Variants in TRMT2B observed in about 807,000 individuals in gnomAD.
TRMT2B encodes the protein tRNA (uracil-5-)-methyltransferase homolog B.
Under a neutral mutation model 39.7 loss-of-function variants are expected in TRMT2B, and 34 were observed. The ratio of observed to expected loss-of-function variants is 0.86; its 90% CI spans 0.65 to 1.14. The LOEUF is 1.14. Among genes scored for constraint, TRMT2B ranks in the 50% most tolerant of loss-of-function variants. The pLI is 0.00. For missense variants in TRMT2B, 318 were observed against 377.2 expected (o/e 0.84, Z 1.30); for synonymous variants, 132 against 137.3 (o/e 0.96, Z 0.27).
intron 8 of TRMT2B, among the ~76,000 whole-genome samples, chrX:101,022,690 G>T (rs1238607989): frequency 9.1e-6 from 1 of 110,298 alleles, no homozygotes; most frequent in African/African-American, 3.3e-5. Flanking sequence ...CCAGTTACTT[G>T]AGAGGCTGAG....
chrX:100,994,823 C>T, the TRMT2B span, among the ~76,000 whole-genome samples: 2 of 111,080 alleles, frequency 1.8e-5, no homozygotes, highest in African/African-American at 3.3e-5. Context: ...CAGATTGTAG[C>T]GCAGTGCCAC....
At chrX:101,009,283 G>A (rs1312025500), downstream of TRMT2B, 2 of 111,228 alleles carry the variant, frequency 1.8e-5, no homozygotes, top group African/African-American at 6.5e-5. Flanking sequence ...AATCTAAATT[G>A]TTGGGCAAGT....
At chrX:101,050,699 G>A (rs766097131) in intron 2 of TRMT2B, among the ~76,000 whole-genome samples, 1 of 108,759 alleles carries the variant, frequency 9.2e-6, no homozygotes, top group African/African-American at 3.4e-5. Context: ...ACTCCAGCCT[G>A]GGCAACAAGA....
the TRMT2B span, chrX:100,973,617 A>G: frequency 1.8e-6 from 2 of 1,096,068 alleles, no homozygotes; most frequent in Admixed American, 4.5e-5. Flanking sequence ...AGCTGACTAA[A>G]GGCTCAGTGT....
At chrX:100,985,609 A>C in the TRMT2B span, 1 of 1,159,795 alleles carries the variant, frequency 8.6e-7, no homozygotes, top group Non-Finnish European at 1.2e-6. Flanking sequence ...TACTCCTGTT[A>C]GATGAGTATG....
chrX:100,990,820 C>A, the TRMT2B span: 1 of 360,436 alleles, frequency 2.8e-6, no homozygotes, highest in South Asian at 5.0e-5. Flanking sequence ...AATAGAACTT[C>A]TTTGCTGAGA....
At chrX:101,022,803 T>C (rs998934626) in intron 8 of TRMT2B, among the ~76,000 whole-genome samples, 1 of 110,540 alleles carries the variant, frequency 9.0e-6, no homozygotes, top group Non-Finnish European at 1.9e-5. Flanking sequence ...TCTCAAAATA[T>C]AAAAAATAAA....
chrX:101,021,704 C>G (rs1465373901), intron 9 of TRMT2B, among the ~76,000 whole-genome samples: 6 of 112,252 alleles, frequency 5.3e-5, no homozygotes, highest in Non-Finnish European at 1.1e-4. Flanking sequence ...GTTGGGTAGA[C>G]AGGGAGGCCC....
chrX:101,001,333 C>T, the TRMT2B span, among the ~76,000 whole-genome samples: 1 of 110,424 alleles, frequency 9.1e-6, no homozygotes, highest in African/African-American at 3.3e-5. Flanking sequence ...CCTCCCAGGC[C>T]CAAGTAATCC....
rs149156982 is a variant in TRMT2B, at chrX:101,042,261, A to G, written c.29T>C (p.Leu10Pro). MAGLKRRVP[L>P]HSLRYFISMV... ...GGAGATGAAGTATCTGAGGCTGTGC[A>G]GTGGGACTCTTCTCTTAAGGCCTGC... is the stretch of plus-strand genomic sequence containing the variant. Residue 10 changes from leucine (L) to proline (P), a missense_variant, in exon 3 of 14, where the codon CTG (leucine) becomes CCG (proline). Transcript: ENST00000372936. 87 of 1,210,126 alleles carry G rather than the reference A, an allele frequency of 7.2e-5. 1 individual carries two copies. The highest frequency in any genetic ancestry group is 2.3e-4 in the Middle Eastern group (1 of 4,369).
chrX:101,011,575 C>CT (rs1240263916), intron 13 of TRMT2B, among the ~76,000 whole-genome samples: 1 of 111,023 alleles, frequency 9.0e-6, no homozygotes, highest in African/African-American at 3.3e-5. Flanking sequence ...TAGCGAGACT[C>CT]TGTCGTTACC....
downstream of TRMT2B, among the ~76,000 whole-genome samples, chrX:101,008,088 G>GT (rs1467284048): frequency 9.0e-6 from 1 of 111,436 alleles, no homozygotes; most frequent in Middle Eastern, 4.2e-3. Context: ...GGAAGAACAT[G>GT]TTTAAGGGAA....
At chrX:100,986,636 T>C in the TRMT2B span, among the ~76,000 whole-genome samples, 1 of 112,452 alleles carries the variant, frequency 8.9e-6, no homozygotes, top group Non-Finnish European at 1.9e-5. Context: ...GAAAAATGTC[T>C]AGCTCATCTC....
At chrX:101,004,994 G>A (rs2086090885), downstream of TRMT2B, among the ~76,000 whole-genome samples, 1 of 111,044 alleles carries the variant, frequency 9.0e-6, no homozygotes, top group Admixed American at 9.7e-5. Flanking sequence ...CAAGACAGTT[G>A]GTCACCTTAA....
At position 101,036,933 on chromosome X, in the gene TRMT2B, C is replaced by G. The variant is rs1414936803; in HGVS notation, c.538+41G>C. 5 of 1,038,820 alleles carry G rather than the reference C, an allele frequency of 4.8e-6. No homozygotes were observed. The South Asian group carries it at 9.4e-5, about 20-fold the overall frequency. The allele number at this position is 1,038,820 out of a possible 1,213,427, so 85.6% of individuals were successfully genotyped here. ...CTACTGACACTTCTCTGCACCCTTT[C>G]ATTCCTCTTCAGTCTTTGGTTTATA... is the stretch of plus-strand genomic sequence containing the variant. On this transcript the variant is annotated intron_variant, in intron 6 of 13. Transcript: ENST00000372936.
the TRMT2B span, among the ~76,000 whole-genome samples, chrX:100,979,070 A>C: frequency 4.5e-5 from 5 of 111,498 alleles, no homozygotes; most frequent in South Asian, 3.7e-4. Flanking sequence ...TTTATATCTT[A>C]TTATACTGTC....
the TRMT2B span, chrX:100,985,616 T>G: frequency 8.6e-7 from 1 of 1,166,589 alleles, no homozygotes; most frequent in African/African-American, 1.8e-5. Flanking sequence ...GTTAGATGAG[T>G]ATGGAGTTTC....
intron 7 of TRMT2B, 85 bp from the exon 8 acceptor site, chrX:101,023,701 ATT>A: frequency 1.0e-6 from 1 of 990,358 alleles, no homozygotes; most frequent in Non-Finnish European, 1.4e-6. Context: ...TTTGTGTTAC[ATT>A]GTGTCCCCCA....
intron 2 of TRMT2B, 62 bp downstream of exon 2, chrX:101,051,189 G>T: frequency 2.5e-5 from 16 of 651,998 alleles, no homozygotes; most frequent in Non-Finnish European, 2.7e-5. Flanking sequence ...AAATAGGAAG[G>T]CAGGCTAACT....
Sources: allele counts gnomAD v4.1 joint callset (sites outside exome capture counted in the v4.1 genomes callset), GRCh38; gene constraint gnomAD v4.1.1; transcripts MANE v1.5; gene names NCBI Gene and HGNC (gene_info 2026-07-23, HGNC 2026-07-21).